The following TUSC3 variants were observed in gnomAD, a reference collection of about 807,000 sequenced individuals.
TUSC3 encodes tumor suppressor candidate 3.
A neutral mutation model predicts 44.8 loss-of-function variants in TUSC3; 45 were observed. The observed-to-expected ratio is 1.00, with a 90% confidence interval of 0.79 to 1.29. TUSC3 has a LOEUF of 1.29. Among genes scored for constraint, TUSC3 ranks in the 50% most tolerant of loss-of-function variants. The probability of loss-of-function intolerance (pLI) is 0.00; values close to 1 mark genes in which losing one functional copy is unlikely to be tolerated. For missense variants in TUSC3, 519 were observed against 437.9 expected, an observed-to-expected ratio of 1.19 and a Z score of -1.65; for synonymous variants, 212 against 152.9, an observed-to-expected ratio of 1.39 and a Z score of -2.85.
intron 1 of TUSC3, among the ~76,000 whole-genome samples, chr8:15,594,792 T>C (rs1803994813): frequency 1.3e-5 from 2 of 152,306 alleles, no homozygotes; most frequent in South Asian, 4.1e-4. Flanking sequence ...ATGGAATGTC[T>C]TTTTATGCAA....
chr8:15,826,866 T>A, the TUSC3 span, among the ~76,000 whole-genome samples: 1 of 152,048 alleles, frequency 6.6e-6, no homozygotes, highest in African/African-American at 2.4e-5. Flanking sequence ...TTGTGAGGAG[T>A]ATATCCAGCC....
intron 1 of TUSC3, among the ~76,000 whole-genome samples, chr8:15,462,200 C>G (rs1018335135): frequency 2.0e-5 from 3 of 152,060 alleles, no homozygotes; most frequent in South Asian, 2.1e-4. Flanking sequence ...CTTCTGAGCA[C>G]TTTGCAGGTC....
chr8:15,582,174 T>A (rs960669243), intron 1 of TUSC3, among the ~76,000 whole-genome samples: 4 of 152,210 alleles, frequency 2.6e-5, no homozygotes, highest in African/African-American at 9.7e-5. Context: ...GGCTCGCGCA[T>A]GGTGCGCGCA....
Position 15,441,822 on chromosome 8 carries a change from G to C in TUSC3, n.91+24517G>C, listed in dbSNP as rs1253090257. ...GACCCAGCAGGTGGGATGATATAGA[G>C]CTTTTTGATTATGCTTCTCTAAGCA... On this transcript the variant is annotated intron_variant and non_coding_transcript_variant, in intron 1 of 5. Transcript: ENST00000503191. 2.0e-5 allele frequency among the ~76,000 whole-genome samples: 3 copies of C among 152,270 alleles called. No homozygotes were observed. The South Asian group carries it at 6.2e-4, about 32-fold the overall frequency.
chr8:15,723,185 T>G (rs2129205014), intron 6 of TUSC3, among the ~76,000 whole-genome samples: 1 of 152,280 alleles, frequency 6.6e-6, no homozygotes, highest in East Asian at 1.9e-4. Flanking sequence ...GATGACTTTT[T>G]GGAGTATGCC....
intron 1 of TUSC3, among the ~76,000 whole-genome samples, chr8:15,459,003 A>G (rs992154632): frequency 4.6e-5 from 7 of 152,194 alleles, no homozygotes; most frequent in African/African-American, 1.7e-4. Flanking sequence ...ATTTTTATTA[A>G]AGACCTGTTG....
At chr8:15,752,595 TC>T in intron 9 of TUSC3, among the ~76,000 whole-genome samples, 2 of 152,178 alleles carry the variant, frequency 1.3e-5, no homozygotes, top group South Asian at 4.1e-4. Flanking sequence ...ATCATGGAGA[TC>T]ATATCACTGA....
chr8:15,573,970 G>T (rs537442408), intron 1 of TUSC3, among the ~76,000 whole-genome samples: 2 of 152,088 alleles, frequency 1.3e-5, no homozygotes, highest in Admixed American at 6.6e-5. Context: ...GACTAAACCA[G>T]TCCTTTTCTT....
chr8:15,657,622 G>A (rs929536591), intron 3 of TUSC3, among the ~76,000 whole-genome samples: 1 of 152,096 alleles, frequency 6.6e-6, no homozygotes, highest in South Asian at 2.1e-4. Flanking sequence ...CTTCTTCTGA[G>A]CCCTCTCTAG....
At chr8:15,552,717 T>A (rs1345240110) in intron 1 of TUSC3, among the ~76,000 whole-genome samples, 1 of 151,624 alleles carries the variant, frequency 6.6e-6, no homozygotes, top group East Asian at 2.0e-4. Context: ...TCTTAAGCCA[T>A]GTTAAAGAAT....
At chr8:15,797,778 A>T in the TUSC3 span, among the ~76,000 whole-genome samples, 6 of 152,218 alleles carry the variant, frequency 3.9e-5, no homozygotes, top group Admixed American at 3.3e-4. Flanking sequence ...AGTGTCTAAG[A>T]CAACACAGCA....
intron 3 of TUSC3, among the ~76,000 whole-genome samples, chr8:15,651,185 T>C (rs1806888171): frequency 6.6e-6 from 1 of 152,248 alleles, no homozygotes; most frequent in Non-Finnish European, 1.5e-5. Context: ...AAATGTGTTT[T>C]TTCAGCATGC....
At chr8:15,481,888 C>G (rs935288132) in intron 1 of TUSC3, among the ~76,000 whole-genome samples, 1 of 152,134 alleles carries the variant, frequency 6.6e-6, no homozygotes, top group African/African-American at 2.4e-5. Flanking sequence ...GAAAATGACA[C>G]AACAATGAAG....
chr8:15,740,148 A>G (rs1043860857), intron 7 of TUSC3, among the ~76,000 whole-genome samples: 7 of 152,180 alleles, frequency 4.6e-5, no homozygotes, highest in Non-Finnish European at 8.8e-5. Flanking sequence ...ATTGAATTTG[A>G]ACAGAGACCC....
chr8:15,823,394 A>C, the TUSC3 span, among the ~76,000 whole-genome samples: 1 of 152,164 alleles, frequency 6.6e-6, no homozygotes, highest in African/African-American at 2.4e-5. Context: ...CTCATCTTTA[A>C]ACTTCCATGA....
chr8:15,500,173 G>A (rs980454141), intron 2 of TUSC3, among the ~76,000 whole-genome samples: 5 of 152,172 alleles, frequency 3.3e-5, no homozygotes, highest in East Asian at 1.9e-4. Context: ...CTTTCTCTAC[G>A]GAGCTGTACA....
the TUSC3 span, among the ~76,000 whole-genome samples, chr8:15,809,824 C>T: frequency 6.6e-6 from 1 of 152,200 alleles, no homozygotes; most frequent in South Asian, 2.1e-4. Context: ...TTTCTTTACA[C>T]TTGGCAATGC....
intron 2 of TUSC3, among the ~76,000 whole-genome samples, chr8:15,496,678 T>C (rs1255141934): frequency 6.6e-6 from 1 of 152,176 alleles, no homozygotes; most frequent in Non-Finnish European, 1.5e-5. Context: ...GAAACGCATA[T>C]GCTGTCTTGG....
intron 10 of TUSC3, among the ~76,000 whole-genome samples, 158 bp from the exon 11 acceptor site, chr8:15,764,045 T>C (rs1008188147): frequency 6.6e-6 from 1 of 152,078 alleles, no homozygotes; most frequent in Non-Finnish European, 1.5e-5. Flanking sequence ...GGCACTAGTT[T>C]AGAAAAATTG....
Sources: gnomAD v4.1 joint callset for allele counts (sites outside exome capture counted in the v4.1 genomes callset) on GRCh38, gnomAD v4.1.1 for gene constraint, MANE v1.5 for transcripts, NCBI Gene and HGNC (gene_info 2026-07-23, HGNC 2026-07-21) for gene names.